DENND1A: variants seen among roughly 807,000 people sequenced by gnomAD.
DENND1A encodes the protein DENN domain-containing protein 1A.
A neutral mutation model predicts 113.7 loss-of-function variants in DENND1A; 51 were observed. The observed-to-expected ratio is 0.45, with a 90% CI of 0.36 to 0.57. The LOEUF is 0.57. Among genes scored for constraint, DENND1A ranks in the 20% least tolerant of loss-of-function variants. DENND1A has a pLI of 0.00. For missense variants in DENND1A, 1,258 were observed against 1,395.9 expected, an observed-to-expected ratio of 0.90 and a Z score of 1.57; for synonymous variants, 565 against 570.8, an observed-to-expected ratio of 0.99 and a Z score of 0.14.
At chr9:123,555,468 G>A (rs2057366173) in intron 13 of DENND1A, among the ~76,000 whole-genome samples, 3 of 152,170 alleles carry the variant, frequency 2.0e-5, no homozygotes, top group Admixed American at 2.0e-4. Flanking sequence ...GAGGGGCCCT[G>A]TCTCCAAGCC....
At chr9:123,830,817 G>A (rs1411197828) in intron 2 of DENND1A, among the ~76,000 whole-genome samples, 1 of 125,098 alleles carries the variant, frequency 8.0e-6, no homozygotes, top group Non-Finnish European at 1.6e-5. Context: ...AGCGAGCCGA[G>A]ATCATCCCAC....
intron 2 of DENND1A, among the ~76,000 whole-genome samples, chr9:123,861,185 G>A (rs1043360836): frequency 5.9e-5 from 9 of 152,096 alleles, no homozygotes; most frequent in Non-Finnish European, 2.9e-5. Flanking sequence ...CCTGACCAGT[G>A]CTTATAAGGC....
chr9:123,857,919 C>T (rs998286989), intron 2 of DENND1A, among the ~76,000 whole-genome samples: 7 of 151,934 alleles, frequency 4.6e-5, no homozygotes, highest in African/African-American at 1.7e-4. Context: ...ATTAGCTGGG[C>T]GTGGTGGCGG....
intron 2 of DENND1A, among the ~76,000 whole-genome samples, chr9:123,814,684 A>G (rs1837173891): frequency 6.6e-6 from 1 of 152,184 alleles, no homozygotes; most frequent in African/African-American, 2.4e-5. Flanking sequence ...GAACAAAAGT[A>G]TCCTAACCAA....
intron 14 of DENND1A, 83 bp downstream of exon 14, chr9:123,457,702 CCATGCCTG>C: frequency 7.9e-7 from 1 of 1,262,566 alleles, no homozygotes; most frequent in Non-Finnish European, 1.1e-6. Flanking sequence ...TGAGTCCCAT[CCATGCCTG>C]CGGCCTCAGT....
chr9:123,803,906 C>A (rs1027473419), intron 2 of DENND1A, among the ~76,000 whole-genome samples: 3 of 152,222 alleles, frequency 2.0e-5, no homozygotes, highest in Non-Finnish European at 2.9e-5. Flanking sequence ...AAACTACTCA[C>A]ATACCAACAG....
At chr9:123,501,196 C>T (rs535596193) in intron 13 of DENND1A, among the ~76,000 whole-genome samples, 69 of 152,190 alleles carry the variant, frequency 4.5e-4, no homozygotes, top group Non-Finnish European at 8.7e-4. Context: ...ATATACTATT[C>T]GTTCTTCTGT....
intron 3 of DENND1A, among the ~76,000 whole-genome samples, chr9:123,777,138 C>T (rs1830586829): frequency 6.6e-6 from 1 of 152,218 alleles, no homozygotes; most frequent in South Asian, 2.1e-4. Context: ...AGCTGAAGGT[C>T]TGTCAGCTTT....
At chr9:123,913,548 G>A (rs1854459005) in intron 1 of DENND1A, among the ~76,000 whole-genome samples, 1 of 152,008 alleles carries the variant, frequency 6.6e-6, no homozygotes, top group Non-Finnish European at 1.5e-5. Flanking sequence ...AATAATGCAA[G>A]AGGGAAAAAA....
chr9:123,822,667 C>T (rs1838671499), intron 2 of DENND1A, among the ~76,000 whole-genome samples: 2 of 152,172 alleles, frequency 1.3e-5, no homozygotes, highest in South Asian at 4.1e-4. Flanking sequence ...AATTTTTAAC[C>T]ATTGCCCACA....
chr9:123,864,094 A>C (rs1316774770), intron 2 of DENND1A, among the ~76,000 whole-genome samples: 1 of 152,140 alleles, frequency 6.6e-6, no homozygotes, highest in Non-Finnish European at 1.5e-5. Context: ...CAAGAAGCTA[A>C]AAGAGTGGAA....
intron 13 of DENND1A, among the ~76,000 whole-genome samples, chr9:123,466,160 G>A (rs1046087425): frequency 3.3e-4 from 49 of 149,762 alleles, no homozygotes; most frequent in Admixed American, 3.0e-3. Flanking sequence ...CACCACACCC[G>A]GCTAATTTTT....
intron 13 of DENND1A, among the ~76,000 whole-genome samples, chr9:123,508,616 GA>G (rs1564621463): frequency 6.6e-6 from 1 of 152,196 alleles, no homozygotes; most frequent in African/African-American, 2.4e-5. Flanking sequence ...CTTCAGTGAG[GA>G]AAAATGCTTG....
intron 5 of DENND1A, among the ~76,000 whole-genome samples, chr9:123,706,900 T>C (rs2066252654): frequency 6.6e-6 from 1 of 151,226 alleles, no homozygotes; most frequent in South Asian, 2.1e-4. Context: ...AAGAATAGAG[T>C]TGAGGAGAAA....
At chr9:123,552,039 C>CAGAGAGAGAGAGAGAGAGAGAGAG (rs58452320) in intron 13 of DENND1A, among the ~76,000 whole-genome samples, 18 of 128,422 alleles carry the variant, frequency 1.4e-4, no homozygotes, top group African/African-American at 4.9e-4. Context: ...GAGAGAGAGA[C>CAGAGAGAGAGAGAGAGAGAGAGAG]AGAGAGAGAG....
chr9:123,629,817 A>G (rs1201391054), intron 10 of DENND1A, among the ~76,000 whole-genome samples: 1 of 152,210 alleles, frequency 6.6e-6, no homozygotes, highest in Admixed American at 6.5e-5. Context: ...AAGACCTTGG[A>G]GATCTCAATT....
intron 13 of DENND1A, among the ~76,000 whole-genome samples, chr9:123,551,783 C>G (rs1354782151): frequency 6.6e-6 from 1 of 152,162 alleles, no homozygotes; most frequent in East Asian, 1.9e-4. Flanking sequence ...CCAACACTGG[C>G]CCTCCCCGCC....
Position 123,392,256 on chromosome 9 carries a change from C to T in DENND1A, c.1632-4398G>A, listed in dbSNP as rs546437205. ...CGGGAGTTTTTTTCATGTGTCACAT[C>T]GCGTGGACAAATCAGCAGCACGTCA... On this transcript the variant is annotated intron_variant, in intron 21 of 23. Transcript: ENST00000394215. Among the ~76,000 whole-genome samples the T allele has an allele frequency of 5.3e-5, 8 of 152,166 alleles. No homozygotes were observed. In the South Asian group the frequency reaches 8.3e-4, roughly 16 times the overall value.
At chr9:123,682,209 TATAAA>T (rs2140224077) in intron 5 of DENND1A, among the ~76,000 whole-genome samples, 1 of 152,334 alleles carries the variant, frequency 6.6e-6, no homozygotes, top group East Asian at 1.9e-4. Flanking sequence ...CTGGCTCTCC[TATAAA>T]AGAGAAATAA....
Sources: allele counts gnomAD v4.1 joint callset (sites outside exome capture counted in the v4.1 genomes callset), GRCh38; gene constraint gnomAD v4.1.1; transcripts MANE v1.5; gene names NCBI Gene and HGNC (gene_info 2026-07-23, HGNC 2026-07-21).